Variants in ACO1 observed in about 807,000 individuals in gnomAD.
The protein encoded by ACO1 is cytoplasmic aconitate hydratase.
In ACO1, 78 loss-of-function variants were observed where a neutral mutation model predicts 105.1. The observed-to-expected ratio is 0.74, with a 90% CI of 0.62 to 0.90. ACO1 has a LOEUF of 0.90. Among genes scored for constraint, ACO1 ranks in the 40% least tolerant of loss-of-function variants. The probability of loss-of-function intolerance (pLI) is 0.00; values close to 1 mark genes in which losing one functional copy is unlikely to be tolerated. For missense variants in ACO1, 965 were observed against 1,111.1 expected (o/e 0.87, Z 1.87); for synonymous variants, 364 against 397.4 (o/e 0.92, Z 1.00).
intron 19 of ACO1, among the ~76,000 whole-genome samples, chr9:32,447,470 C>CT (rs1329364415): frequency 6.6e-6 from 1 of 152,076 alleles, no homozygotes; most frequent in African/African-American, 2.4e-5. Flanking sequence ...TTCGCCTAAC[C>CT]TTTTTTCAAG....
At chr9:32,407,546 A>G (rs1176667049) in intron 3 of ACO1, 117 bp downstream of exon 3, 2 of 925,628 alleles carry the variant, frequency 2.2e-6, no homozygotes, top group African/African-American at 1.7e-5. Flanking sequence ...ATTTATGACT[A>G]TATAATATTA....
At chr9:32,405,397 T>C (rs1281364928) in intron 1 of ACO1, 88 bp from the exon 2 acceptor site, 6 of 709,616 alleles carry the variant, frequency 8.5e-6, no homozygotes, top group Non-Finnish European at 1.5e-5. Flanking sequence ...AAAAGAAACA[T>C]AGTAAAAACT....
intron 13 of ACO1, 147 bp from the exon 14 acceptor site, chr9:32,430,271 C>T (rs1822196393): frequency 2.8e-6 from 2 of 702,702 alleles, no homozygotes; most frequent in African/African-American, 3.7e-5. Flanking sequence ...CCCAGTGTAC[C>T]CTTCTCCCCT....
At chr9:32,399,374 T>C (rs1821440142) in intron 1 of ACO1, among the ~76,000 whole-genome samples, 1 of 152,210 alleles carries the variant, frequency 6.6e-6, no homozygotes. Context: ...ATTAAAGAAG[T>C]ACCAAGATTG....
At chr9:32,403,577 T>A (rs1275245738) in intron 1 of ACO1, among the ~76,000 whole-genome samples, 1 of 152,156 alleles carries the variant, frequency 6.6e-6, no homozygotes, top group Non-Finnish European at 1.5e-5. Context: ...GCCCCAGACA[T>A]TTGTAGCTAC....
In ACO1 at chr9:32,403,700, T is replaced by G. The variant is rs548892294; in HGVS notation, c.-22-1785T>G. Among the ~76,000 whole-genome samples the G allele has an allele frequency of 3.3e-5, 5 of 152,326 alleles. 1 individual carries two copies. In the South Asian group the frequency reaches 1.0e-3, roughly 32 times the overall value. ...GGAGACTTGGGGCATCTGGCTCCTT[T>G]AGGATTCGACACAGAGATAAGGATG... is the stretch of plus-strand genomic sequence containing the variant. On this transcript the variant is annotated intron_variant, in intron 1 of 20. Coordinates refer to ENST00000309951, the MANE Select transcript of ACO1 (RefSeq NM_002197.3).
intron 4 of ACO1, among the ~76,000 whole-genome samples, chr9:32,411,774 A>G (rs1399831303): frequency 6.6e-6 from 1 of 152,244 alleles, no homozygotes; most frequent in East Asian, 1.9e-4. Flanking sequence ...AGCACTATAA[A>G]TTAGAAATGA....
intron 1 of ACO1, among the ~76,000 whole-genome samples, chr9:32,399,966 G>GTTTTTTTTTTTTTGTTTT (rs1821455327): frequency 2.9e-5 from 2 of 69,842 alleles, no homozygotes; most frequent in Admixed American, 2.2e-4. Context: ...TTCTTTTTCT[G>GTTTTTTTTTTTTTGTTTT]TTTTTTTTTT....
chr9:32,389,463 G>C (rs897173782), intron 1 of ACO1, among the ~76,000 whole-genome samples: 1 of 152,050 alleles, frequency 6.6e-6, no homozygotes, highest in South Asian at 2.1e-4. Flanking sequence ...AGCTTACCTG[G>C]TGGCAGACTC....
At chr9:32,411,247 T>C (rs1821732656) in intron 4 of ACO1, among the ~76,000 whole-genome samples, 1 of 152,174 alleles carries the variant, frequency 6.6e-6, no homozygotes, top group African/African-American at 2.4e-5. Context: ...GGCTATTATC[T>C]TAACCTAGAA....
At chr9:32,413,273 C>T (rs1158046676) in intron 4 of ACO1, among the ~76,000 whole-genome samples, 1 of 152,070 alleles carries the variant, frequency 6.6e-6, no homozygotes, top group Non-Finnish European at 1.5e-5. Context: ...ATCACGAGGT[C>T]AGGAGATCAA....
At chr9:32,413,841 T>C (rs888955259) in intron 4 of ACO1, among the ~76,000 whole-genome samples, 10 of 152,248 alleles carry the variant, frequency 6.6e-5, no homozygotes, top group Admixed American at 5.9e-4. Context: ...TTTTTTTTTG[T>C]TCCTCCAACA....
In ACO1 at chr9:32,418,480, C is replaced by T; in HGVS notation, c.627C>T (p.Thr209=). Residue 209 remains threonine, a synonymous_variant, in exon 6 of 21, where the codon ACC becomes ACT. Coordinates refer to ENST00000309951, the MANE Select transcript of ACO1 (RefSeq NM_002197.3). Reference sequence around the variant, plus strand: ...TCGTGGGCACAGACTCGCACACTACCATGATTGATGGCTTGGGCATTCTTG... The same window carrying T: ...TCGTGGGCACAGACTCGCACACTACTATGATTGATGGCTTGGGCATTCTTG... ...DSLVGTDSHT[T]MIDGLGILGW... is the part of the protein sequence containing the mutation. The T allele has an allele frequency of 1.9e-6, 3 of 1,613,714 alleles. No individual in the cohort carries two copies. The highest frequency in any genetic ancestry group is 2.5e-6 in the Non-Finnish European group (3 of 1,179,670).
chr9:32,433,846 T>A lies in ACO1; in HGVS notation c.1956+14T>A. ...TTTGAAAACCTGGTATGGCTTTTTA[T>A]TTTTTAACAAAATGAATTCTTTGAA... On this transcript the variant is annotated intron_variant, in intron 16 of 20. Transcript: ENST00000309951. 1 of 1,551,000 alleles carries A rather than the reference T, an allele frequency of 6.4e-7. No homozygotes were observed.
intron 19 of ACO1, among the ~76,000 whole-genome samples, chr9:32,441,967 C>A (rs1822489913): frequency 1.3e-5 from 2 of 152,180 alleles, no homozygotes; most frequent in East Asian, 1.9e-4. Flanking sequence ...GTTTAGAAAG[C>A]TTTCTACCTC....
At chr9:32,421,726 C>G (rs954681455) in intron 8 of ACO1, among the ~76,000 whole-genome samples, 5 of 152,166 alleles carry the variant, frequency 3.3e-5, no homozygotes, top group South Asian at 2.1e-4. Context: ...TGCGCTCCAG[C>G]CTAGCCAACA....
At chr9:32,449,860 C>CT (rs1822717488) in intron 20 of ACO1, 138 bp from the exon 21 acceptor site, 3 of 653,930 alleles carry the variant, frequency 4.6e-6, no homozygotes, top group East Asian at 5.3e-5. Flanking sequence ...CTGGGGCCAG[C>CT]AGCCTTGCAT....
chr9:32,446,454 A>T (rs984696657), intron 19 of ACO1, among the ~76,000 whole-genome samples: 4 of 151,640 alleles, frequency 2.6e-5, no homozygotes, highest in Non-Finnish European at 5.9e-5. Context: ...ATCTTCCTCC[A>T]TCCCTTTATT....
chr9:32,418,371 G>C lies in ACO1; in HGVS notation c.518G>C (p.Gly173Ala). Reference sequence around the variant, plus strand: ...CACAACATGCGGATTATTCCCCCTGGCTCAGGAATCATCCACCAGGTGAAT... The same window carrying C: ...CACAACATGCGGATTATTCCCCCTGCCTCAGGAATCATCCACCAGGTGAAT... The part of the protein sequence containing the change: ...AFHNMRIIPP[G>A]SGIIHQVNLE... Residue 173 changes from glycine to alanine, a missense_variant, in exon 6 of 21, where the codon GGC (glycine) becomes GCC (alanine). Transcript: ENST00000309951. 6.2e-7 allele frequency: 1 copy of C among 1,614,140 alleles called. No homozygotes were observed. The highest frequency in any genetic ancestry group is 8.5e-7 in the Non-Finnish European group (1 of 1,180,028).
Sources: gnomAD v4.1 joint callset for allele counts (sites outside exome capture counted in the v4.1 genomes callset) on GRCh38, gnomAD v4.1.1 for gene constraint, MANE v1.5 for transcripts, NCBI Gene and HGNC (gene_info 2026-07-23, HGNC 2026-07-21) for gene names.